The following RALYL variants were observed in gnomAD, a reference collection of about 807,000 sequenced individuals.
RALYL encodes the protein RALY RNA binding protein like, also known as RNA-binding Raly-like protein.
A neutral mutation model predicts 35.1 loss-of-function variants in RALYL; 29 were observed. The ratio of observed to expected loss-of-function variants is 0.83; its 90% CI spans 0.61 to 1.13. RALYL has a LOEUF of 1.13. Among genes scored for constraint, RALYL ranks in the 50% most tolerant of loss-of-function variants. The pLI is 0.00. For synonymous variants in RALYL, 120 were observed against 127.6 expected (o/e 0.94, Z 0.40); for missense variants, 359 against 360.4 (o/e 1.00, Z 0.03).
At chr8:84,363,009 A>G (rs1853419210) in intron 1 of RALYL, among the ~76,000 whole-genome samples, 1 of 152,124 alleles carries the variant, frequency 6.6e-6, no homozygotes, top group Non-Finnish European at 1.5e-5. Context: ...ACATACACAC[A>G]TGAACTTAAG....
chr8:84,755,526 A>G (rs1811179566), intron 2 of RALYL, among the ~76,000 whole-genome samples: 1 of 152,202 alleles, frequency 6.6e-6, no homozygotes, highest in Non-Finnish European at 1.5e-5. Context: ...GTGACATCAC[A>G]TAAAATGTTT....
At chr8:84,799,456 A>G (rs1326393854) in intron 3 of RALYL, among the ~76,000 whole-genome samples, 1 of 152,236 alleles carries the variant, frequency 6.6e-6, no homozygotes, top group Non-Finnish European at 1.5e-5. Context: ...AGATTAATGG[A>G]TCATATAAAA....
At chr8:84,629,041 GA>G (rs1823365539) in intron 2 of RALYL, among the ~76,000 whole-genome samples, 1 of 151,950 alleles carries the variant, frequency 6.6e-6, no homozygotes. Context: ...ATTACACCTA[GA>G]ACCTTGACTC....
At chr8:84,300,353 A>G (rs1360972547) in intron 1 of RALYL, among the ~76,000 whole-genome samples, 1 of 151,858 alleles carries the variant, frequency 6.6e-6, no homozygotes, top group Non-Finnish European at 1.5e-5. Context: ...GAATTGTATT[A>G]TGGCTGATTA....
intron 2 of RALYL, among the ~76,000 whole-genome samples, chr8:84,531,238 G>A (rs1198295119): frequency 6.6e-6 from 1 of 152,076 alleles, no homozygotes; most frequent in Non-Finnish European, 1.5e-5. Context: ...TAAGAATATT[G>A]TGAATATTAT....
At chr8:84,450,977 A>G (rs2049407277) in intron 1 of RALYL, among the ~76,000 whole-genome samples, 2 of 152,052 alleles carry the variant, frequency 1.3e-5, no homozygotes, top group Non-Finnish European at 2.9e-5. Flanking sequence ...CAGGAGCTGC[A>G]AACTGAGTAC....
rs554110838 is a variant in RALYL, at chr8:84,437,296, C to A, written c.-23-92003C>A. ...AATGGGCCATAGGTTGATTTCATGT[C>A]TTTGCTATCGTGTTGTGATGAACAC... On this transcript the variant is annotated intron_variant, in intron 1 of 8. Transcript: ENST00000521268. 6.6e-5 allele frequency among the ~76,000 whole-genome samples: 10 copies of A among 152,212 alleles called. No individual in the cohort carries two copies. In the South Asian group the frequency reaches 2.1e-3, roughly 32 times the overall value.
At chr8:84,537,740 C>T (rs2059717277) in intron 2 of RALYL, among the ~76,000 whole-genome samples, 1 of 152,084 alleles carries the variant, frequency 6.6e-6, no homozygotes, top group African/African-American at 2.4e-5. Context: ...AATTATCTTT[C>T]CAGCATCCTT....
chr8:84,220,151 T>C (rs1821841218), intron 1 of RALYL, among the ~76,000 whole-genome samples: 2 of 152,046 alleles, frequency 1.3e-5, no homozygotes, highest in Non-Finnish European at 2.9e-5. Context: ...AATATAGTGC[T>C]CACTCCTCTC....
rs1283267986 is a variant in RALYL, at chr8:84,663,668, T to C, written c.257-110911T>C. On this transcript the variant is annotated intron_variant, in intron 2 of 8. Transcript: ENST00000521268. The stretch of plus-strand genomic sequence containing the variant: ...CTTTGCCCACTTTTTAATGGGGTTG[T>C]TTTTTTAATTGTAAAATTGTTTATG... Among the ~76,000 whole-genome samples, 3 of 152,246 alleles carry C rather than the reference T, an allele frequency of 2.0e-5. No homozygotes were observed. The East Asian group carries it at 5.8e-4, about 29-fold the overall frequency.
chr8:84,838,527 G>A (rs1480793746), intron 4 of RALYL, among the ~76,000 whole-genome samples: 1 of 152,156 alleles, frequency 6.6e-6, no homozygotes, highest in Non-Finnish European at 1.5e-5. Flanking sequence ...GACAAAAGCA[G>A]TCTTGACATG....
At chr8:84,568,968 T>A (rs1401811268) in intron 2 of RALYL, among the ~76,000 whole-genome samples, 2 of 149,950 alleles carry the variant, frequency 1.3e-5, no homozygotes, top group Non-Finnish European at 3.0e-5. Context: ...GATGAGTAGG[T>A]TGCGAAAATT....
intron 2 of RALYL, among the ~76,000 whole-genome samples, chr8:84,708,118 A>G (rs1440957897): frequency 1.3e-5 from 2 of 152,126 alleles, no homozygotes; most frequent in Non-Finnish European, 2.9e-5. Context: ...AAGATTTAAT[A>G]TGGTATCTTT....
chr8:84,627,041 C>T (rs757954765), intron 2 of RALYL, among the ~76,000 whole-genome samples: 16 of 152,062 alleles, frequency 1.1e-4, no homozygotes, highest in Non-Finnish European at 2.2e-4. Flanking sequence ...ATTTATACTG[C>T]CTCTGGTACA....
At chr8:84,809,833 T>TGTTTC in intron 4 of RALYL, among the ~76,000 whole-genome samples, 1 of 152,252 alleles carries the variant, frequency 6.6e-6, no homozygotes, top group East Asian at 1.9e-4. Flanking sequence ...TAATACCTCC[T>TGTTTC]GTTTCGTTTC....
chr8:84,800,918 T>C (rs1823092649), intron 3 of RALYL, among the ~76,000 whole-genome samples: 1 of 152,168 alleles, frequency 6.6e-6, no homozygotes, highest in African/African-American at 2.4e-5. Flanking sequence ...CAGGATCCAC[T>C]CTGCCAGGAA....
At chr8:84,458,714 T>C (rs1418192049) in intron 1 of RALYL, among the ~76,000 whole-genome samples, 1 of 151,796 alleles carries the variant, frequency 6.6e-6, no homozygotes, top group African/African-American at 2.4e-5. Flanking sequence ...TAAAAGTTCA[T>C]AGCTGATAGG....
At chr8:84,279,812 G>A (rs1384711750) in intron 1 of RALYL, among the ~76,000 whole-genome samples, 3 of 152,004 alleles carry the variant, frequency 2.0e-5, no homozygotes, top group Non-Finnish European at 4.4e-5. Context: ...GGACTCTTGT[G>A]CTTATACTTG....
intron 1 of RALYL, among the ~76,000 whole-genome samples, chr8:84,365,377 C>T (rs866067398): frequency 1.4e-4 from 22 of 152,110 alleles, no homozygotes; most frequent in African/African-American, 5.1e-4. Context: ...TAAGTGAGTC[C>T]TCATCTATAG....
Sources: allele counts gnomAD v4.1 joint callset (sites outside exome capture counted in the v4.1 genomes callset), GRCh38; gene constraint gnomAD v4.1.1; transcripts MANE v1.5; gene names NCBI Gene and HGNC (gene_info 2026-07-23, HGNC 2026-07-21).